CCDC30: variants seen among roughly 807,000 people sequenced by gnomAD.
The protein encoded by CCDC30 is coiled-coil domain containing 30.
CCDC30 carries 70 observed loss-of-function variants against 100.2 expected under a neutral mutation model. The observed-to-expected ratio is 0.70, with a 90% confidence interval of 0.58 to 0.85. The LOEUF (loss-of-function observed/expected upper bound fraction) is 0.85. CCDC30 is among the 40% of genes least tolerant of loss of function. The pLI, the probability that CCDC30 is intolerant of heterozygous loss-of-function variation, is 0.00. For missense variants in CCDC30, 652 were observed against 771.2 expected (o/e 0.85, Z 1.83); for synonymous variants, 233 against 269.5 (o/e 0.86, Z 1.33).
rs958283559 is a variant in CCDC30 at position 42,633,730 on chromosome 1, C to T, written c.1278-3507C>T. Reference sequence around the variant, plus strand: ...TTCGAGACCAGCCTGGGCAACATAGCGAGACCTTGCGTCTACTAAAAATTG... The same window carrying T: ...TTCGAGACCAGCCTGGGCAACATAGTGAGACCTTGCGTCTACTAAAAATTG... On this transcript the variant is annotated intron_variant, in intron 11 of 16. Coordinates refer to ENST00000668663, the Ensembl canonical transcript of CCDC30. 3.3e-5 allele frequency among the ~76,000 whole-genome samples: 5 copies of T among 152,132 alleles called. No individual in the cohort carries two copies. In the East Asian group the frequency reaches 9.7e-4, roughly 29 times the overall value.
chr1:42,474,907 T>G (rs1346633078), intron 1 of CCDC30, among the ~76,000 whole-genome samples: 1 of 152,204 alleles, frequency 6.6e-6, no homozygotes, highest in Non-Finnish European at 1.5e-5. Flanking sequence ...TGCAAGCTTT[T>G]CAAAGAATAC....
chr1:42,515,052 A>G (rs1178347321), intron 6 of CCDC30, among the ~76,000 whole-genome samples: 1 of 152,212 alleles, frequency 6.6e-6, no homozygotes, highest in Admixed American at 6.5e-5. Context: ...ACTTTTGAAG[A>G]AGTAATCAAA....
intron 10 of CCDC30, among the ~76,000 whole-genome samples, chr1:42,608,049 C>T (rs112473641): frequency 0.043 from 6,510 of 151,566 alleles, 172 homozygotes; most frequent in Non-Finnish European, 0.066. Context: ...CTTTAAGGCT[C>T]ATTACCATGT....
chr1:42,458,768 C>CTA (rs1643315842), upstream of CCDC30, among the ~76,000 whole-genome samples: 1 of 152,142 alleles, frequency 6.6e-6, no homozygotes, highest in Admixed American at 6.5e-5. Context: ...AGCAACTGAA[C>CTA]ATTACCCTGA....
At chr1:42,513,197 A>T (rs1331125557) in intron 6 of CCDC30, among the ~76,000 whole-genome samples, 1 of 152,158 alleles carries the variant, frequency 6.6e-6, no homozygotes, top group Non-Finnish European at 1.5e-5. Flanking sequence ...GGAAAGTTTA[A>T]TAGGCAGAAG....
At chr1:42,622,948 A>C (rs937172752) in intron 11 of CCDC30, among the ~76,000 whole-genome samples, 1 of 152,078 alleles carries the variant, frequency 6.6e-6, no homozygotes. Flanking sequence ...ATGACCTCTC[A>C]TTGTAGTTTT....
chr1:42,595,265 G>T (rs555016972), intron 10 of CCDC30: 1 of 152,288 alleles, frequency 6.6e-6, no homozygotes, highest in African/African-American at 2.4e-5. Context: ...AGTAAATCCA[G>T]GCCAGGCGTG....
intron 7 of CCDC30, among the ~76,000 whole-genome samples, chr1:42,575,216 G>C (rs759645013): frequency 6.6e-6 from 1 of 152,100 alleles, no homozygotes; most frequent in Non-Finnish European, 1.5e-5. Flanking sequence ...TTTTGTCTAT[G>C]AGCCTTCCCT....
exon 10 of CCDC30, chr1:42,589,479 A>T: frequency 6.2e-7 from 1 of 1,612,284 alleles, no homozygotes; most frequent in Non-Finnish European, 8.5e-7. Context: ...AGAAAATATG[A>T]TGAGGTAAGA....
chr1:42,545,972 T>TG (rs1645122809), intron 6 of CCDC30, among the ~76,000 whole-genome samples: 2 of 121,766 alleles, frequency 1.6e-5, no homozygotes, highest in Admixed American at 1.6e-4. Context: ...AATAATAATT[T>TG]AATATTCATT....
chr1:42,459,103 T>C (rs187804897), upstream of CCDC30: 1 of 151,690 alleles, frequency 6.6e-6, no homozygotes, highest in Non-Finnish European at 1.5e-5. Flanking sequence ...TGCCCCAGAA[T>C]ATGTATGGAG....
chr1:42,627,596 G>T (rs1198701101), intron 11 of CCDC30, among the ~76,000 whole-genome samples: 1 of 152,114 alleles, frequency 6.6e-6, no homozygotes, highest in Admixed American at 6.5e-5. Context: ...TTTGTGAGCC[G>T]GTCCCAGGGT....
At chr1:42,629,587 A>G (rs1189204096) in intron 11 of CCDC30, among the ~76,000 whole-genome samples, 1 of 151,232 alleles carries the variant, frequency 6.6e-6, no homozygotes, top group Non-Finnish European at 1.5e-5. Context: ...GTTATCTGCT[A>G]TTATCCCCTT....
At chr1:42,533,799 G>A (rs1644847677) in intron 6 of CCDC30, 6 of 152,260 alleles carry the variant, frequency 3.9e-5, no homozygotes, top group Admixed American at 3.9e-4. Context: ...TATGCAGGGA[G>A]GCACAGTTTA....
intron 12 of CCDC30, among the ~76,000 whole-genome samples, chr1:42,641,434 C>A (rs917729588): frequency 2.6e-5 from 4 of 151,912 alleles, no homozygotes; most frequent in African/African-American, 9.7e-5. Context: ...TGCCTGTAGT[C>A]CTAGCTACTC....
chr1:42,470,137 C>T lies in CCDC30; in HGVS notation c.-92+6239C>T, dbSNP rs114629722. On this transcript the variant is annotated intron_variant, in intron 1 of 16. Coordinates refer to ENST00000668663, the Ensembl canonical transcript of CCDC30. ...GTTGGTGAAGGATTGAAATGATCAA[C>T]AGTTGGGTTTAGGCTTGAGGGGCAA... Among the ~76,000 whole-genome samples the T allele has an allele frequency of 5.9e-3, 896 of 152,210 alleles. 9 individuals carry two copies. Among genetic ancestry groups the T allele is most frequent in the African/African-American group, 0.02 (826 of 41,520 alleles).
intron 8 of CCDC30, among the ~76,000 whole-genome samples, 195 bp from the exon 13 acceptor site, chr1:42,581,165 T>C (rs944178201): frequency 2.0e-5 from 3 of 152,184 alleles, no homozygotes; most frequent in Non-Finnish European, 4.4e-5. Context: ...TATACACACA[T>C]TGAATTATAT....
At chr1:42,456,843 C>T in the CCDC30 span, 6 of 1,613,372 alleles carry the variant, frequency 3.7e-6, no homozygotes, top group South Asian at 5.5e-5. Flanking sequence ...TTCCCCTATG[C>T]CCACCGCTTC....
At chr1:42,529,810 C>T (rs1243602252) in intron 6 of CCDC30, 1 of 152,230 alleles carries the variant, frequency 6.6e-6, no homozygotes, top group East Asian at 1.9e-4. Flanking sequence ...TTCCTTCAGT[C>T]ATTCCTTCCT....
Sources: gnomAD v4.1 joint callset for allele counts (sites outside exome capture counted in the v4.1 genomes callset) on GRCh38, gnomAD v4.1.1 for gene constraint, MANE v1.5 for transcripts, NCBI Gene and HGNC (gene_info 2026-07-23, HGNC 2026-07-21) for gene names.